The following MAP4K5 variants were observed in gnomAD, a reference collection of about 807,000 sequenced individuals.
The protein encoded by MAP4K5 is MAPK/ERK kinase kinase kinase 5.
A neutral mutation model predicts 135.6 loss-of-function variants in MAP4K5; 82 were observed. That is an observed-to-expected ratio of 0.60 (90% CI 0.51 to 0.73). The LOEUF is 0.73. Ranked by LOEUF, MAP4K5 falls within the 30% of genes least tolerant of loss-of-function variation. The pLI, the probability that MAP4K5 is intolerant of heterozygous loss-of-function variation, is 0.00. For synonymous variants in MAP4K5, 347 were observed against 335.0 expected (o/e 1.04, Z -0.39); for missense variants, 907 against 1,010.9 (o/e 0.90, Z 1.39).
At chr14:50,552,943 G>A (rs1466033630) in intron 1 of MAP4K5, among the ~76,000 whole-genome samples, 1 of 152,054 alleles carries the variant, frequency 6.6e-6, no homozygotes, top group African/African-American at 2.4e-5. Context: ...TTATAGACAT[G>A]GGCTTAGGCA....
chr14:50,536,062 A>G (rs951398107), upstream of MAP4K5, among the ~76,000 whole-genome samples: 4 of 152,354 alleles, frequency 2.6e-5, no homozygotes, highest in South Asian at 6.2e-4. Context: ...TCGCAGCCAC[A>G]TGGAACTGTA....
At chr14:50,490,921 T>C (rs2037469567) in intron 3 of MAP4K5, among the ~76,000 whole-genome samples, 1 of 152,166 alleles carries the variant, frequency 6.6e-6, no homozygotes. Context: ...AAGACTAGAA[T>C]TTTAGAGTTT....
At chr14:50,526,014 A>G (rs1261528839) in intron 2 of MAP4K5, among the ~76,000 whole-genome samples, 1 of 152,202 alleles carries the variant, frequency 6.6e-6, no homozygotes, top group African/African-American at 2.4e-5. Flanking sequence ...ACCTGGAATG[A>G]ATACAGATGC....
intron 14 of MAP4K5, among the ~76,000 whole-genome samples, chr14:50,455,188 T>C (rs1219160338): frequency 6.6e-6 from 1 of 151,968 alleles, no homozygotes; most frequent in Admixed American, 6.6e-5. Context: ...CCATACTTCT[T>C]ACCTTCTACC....
intron 3 of MAP4K5, among the ~76,000 whole-genome samples, chr14:50,491,791 T>A (rs979619152): frequency 4.0e-5 from 6 of 151,642 alleles, no homozygotes; most frequent in Admixed American, 3.3e-4. Flanking sequence ...GCTCAAGCAA[T>A]TCTCCCACCT....
chr14:50,447,664 C>T (rs1013039264), intron 15 of MAP4K5, among the ~76,000 whole-genome samples, 183 bp from the exon 16 acceptor site: 27 of 152,278 alleles, frequency 1.8e-4, no homozygotes, highest in Non-Finnish European at 3.4e-4. Flanking sequence ...CATTATCAGT[C>T]GACCTGAACT....
At chr14:50,431,731 A>T (rs568762914) in intron 28 of MAP4K5, among the ~76,000 whole-genome samples, 1 of 151,862 alleles carries the variant, frequency 6.6e-6, no homozygotes, top group East Asian at 1.9e-4. Flanking sequence ...ATGTGTCTTT[A>T]TAGCAGCATG....
intron 9 of MAP4K5, among the ~76,000 whole-genome samples, chr14:50,469,137 G>T (rs1435716040): frequency 1.3e-5 from 2 of 152,198 alleles, no homozygotes; most frequent in Non-Finnish European, 2.9e-5. Context: ...AGACTTCTAA[G>T]TAGGGTGGGG....
At chr14:50,465,735 C>G (rs747243436) in intron 11 of MAP4K5, among the ~76,000 whole-genome samples, 1 of 152,194 alleles carries the variant, frequency 6.6e-6, no homozygotes, top group Non-Finnish European at 1.5e-5. Flanking sequence ...CTTACCCAAT[C>G]TGCCGAAGAC....
rs760135758 is a variant in MAP4K5 at position 50,462,696 on chromosome 14, T to C, written c.905A>G (p.His302Arg). Residue 302 changes from histidine to arginine, a missense_variant, in exon 13 of 33, where the codon CAT (histidine) becomes CGT (arginine). Around this residue, in one of 3 missense-constraint regions of MAP4K5, gnomAD observed 690 missense variants for 777.4 expected, o/e 0.89. Transcript: ENST00000682126. ...DKVNNPDNHA[H>R]YTEADDDDFE... ...GTCATCGTCATCTGCTTCAGTGTAA[T>C]GTGCGTGGTTATCTGGATTGTTCAC... The C allele has an allele frequency of 6.2e-7, 1 of 1,605,058 alleles. No individual in the cohort carries two copies. The highest frequency in any genetic ancestry group is 1.1e-5 in the South Asian group (1 of 88,948).
chr14:50,544,936 C>CAA (rs35420627), intron 1 of MAP4K5, among the ~76,000 whole-genome samples: 20 of 58,466 alleles, frequency 3.4e-4, no homozygotes, highest in African/African-American at 3.8e-4. Flanking sequence ...GACCCACTCT[C>CAA]AAAAAAAAAA....
chr14:50,527,390 AAAGAGC>A (rs746554646), intron 2 of MAP4K5, among the ~76,000 whole-genome samples: 90 of 151,528 alleles, frequency 5.9e-4, no homozygotes, highest in African/African-American at 2.2e-3. Flanking sequence ...AGCCTGGGCA[AAAGAGC>A]AAGACCCTGT....
chr14:50,473,409 A>T (rs2037012774), intron 9 of MAP4K5, among the ~76,000 whole-genome samples: 1 of 152,166 alleles, frequency 6.6e-6, no homozygotes, highest in African/African-American at 2.4e-5. Context: ...ACTTCTTGTG[A>T]TCTATTATCA....
At chr14:50,442,666 G>T in intron 21 of MAP4K5, 66 bp downstream of exon 21, 2 of 1,113,108 alleles carry the variant, frequency 1.8e-6, no homozygotes, top group South Asian at 1.4e-5. Flanking sequence ...TCAAGTCACT[G>T]ATCATAAAGA....
chr14:50,453,461 A>ACC (rs1416350493), intron 14 of MAP4K5, among the ~76,000 whole-genome samples: 1 of 151,648 alleles, frequency 6.6e-6, no homozygotes, highest in Non-Finnish European at 1.5e-5. Flanking sequence ...TCATATAATG[A>ACC]CCCCCTCTGA....
At chr14:50,518,849 G>T (rs1297983799) in intron 2 of MAP4K5, among the ~76,000 whole-genome samples, 1 of 152,172 alleles carries the variant, frequency 6.6e-6, no homozygotes, top group African/African-American at 2.4e-5. Context: ...GGAAAGGGAG[G>T]AAAGGGCTTG....
intron 14 of MAP4K5, among the ~76,000 whole-genome samples, chr14:50,454,918 G>A (rs756185724): frequency 6.6e-5 from 10 of 151,722 alleles, no homozygotes; most frequent in Non-Finnish European, 1.2e-4. Flanking sequence ...TGTGGGGAGG[G>A]GCAGAGAGTA....
chr14:50,527,521 A>C (rs1291270494), intron 2 of MAP4K5, among the ~76,000 whole-genome samples: 1 of 152,154 alleles, frequency 6.6e-6, no homozygotes, highest in Non-Finnish European at 1.5e-5. Context: ...TCATAAATTA[A>C]ATATAAAAGC....
At chr14:50,504,359 G>A (rs1184144502) in intron 3 of MAP4K5, among the ~76,000 whole-genome samples, 3 of 152,064 alleles carry the variant, frequency 2.0e-5, no homozygotes, top group Admixed American at 6.6e-5. Context: ...GAAACAAGCA[G>A]TCTTCTGACA....
Sources: allele counts gnomAD v4.1 joint callset (sites outside exome capture counted in the v4.1 genomes callset), GRCh38; gene constraint gnomAD v4.1.1; regional missense constraint gnomAD v4.1.1; transcripts MANE v1.5; gene names NCBI Gene and HGNC (gene_info 2026-07-23, HGNC 2026-07-21).